Variants in CATSPERE observed in about 807,000 individuals in gnomAD.
The protein encoded by CATSPERE is cation channel sperm-associated auxiliary subunit epsilon.
CATSPERE carries 93 observed loss-of-function variants against 114.1 expected under a neutral mutation model. The ratio of observed to expected loss-of-function variants is 0.81; its 90% CI spans 0.69 to 0.97. The LOEUF (loss-of-function observed/expected upper bound fraction) is 0.97. Among genes scored for constraint, CATSPERE ranks in the 50% least tolerant of loss-of-function variants. The probability of loss-of-function intolerance (pLI) is 0.00; values close to 1 mark genes in which losing one functional copy is unlikely to be tolerated. For missense variants in CATSPERE, 1,058 were observed against 1,131.6 expected, an observed-to-expected ratio of 0.93 and a Z score of 0.93; for synonymous variants, 341 against 384.1, an observed-to-expected ratio of 0.89 and a Z score of 1.31.
At chr1:244,543,719 T>G (rs1659263608) in intron 8 of CATSPERE, among the ~76,000 whole-genome samples, 1 of 150,730 alleles carries the variant, frequency 6.6e-6, no homozygotes, top group African/African-American at 2.4e-5. Context: ...ATTCAGCCCT[T>G]TTTTCCAGCC....
intron 6 of CATSPERE, 106 bp downstream of exon 6, chr1:244,490,577 C>A (rs1231524719): frequency 4.0e-6 from 3 of 749,160 alleles, no homozygotes; most frequent in Non-Finnish European, 6.7e-6. Context: ...ATGAATTTTG[C>A]AATGATATTT....
At chr1:244,532,399 G>C (rs1030147880) in intron 8 of CATSPERE, among the ~76,000 whole-genome samples, 2 of 151,822 alleles carry the variant, frequency 1.3e-5, no homozygotes, top group Non-Finnish European at 2.9e-5. Flanking sequence ...TGTATCATTA[G>C]GTTGTTTATT....
chr1:244,531,235 C>CAA (rs60936159), intron 8 of CATSPERE, among the ~76,000 whole-genome samples: 247 of 58,916 alleles, frequency 4.2e-3, no homozygotes, highest in Middle Eastern at 8.1e-3. Context: ...GACTCAGTCT[C>CAA]AAAAAAAAAA....
At chr1:244,545,653 C>T (rs1014429459) in intron 8 of CATSPERE, among the ~76,000 whole-genome samples, 14 of 152,278 alleles carry the variant, frequency 9.2e-5, no homozygotes, top group Admixed American at 5.2e-4. Flanking sequence ...TAGCAGAGAC[C>T]GAATGCTTGA....
At chr1:244,481,371 A>T (rs1670240187) in intron 5 of CATSPERE, among the ~76,000 whole-genome samples, 1 of 152,164 alleles carries the variant, frequency 6.6e-6, no homozygotes, top group Non-Finnish European at 1.5e-5. Flanking sequence ...GAATCACTTG[A>T]ACCTGGGAGG....
At chr1:244,482,002 A>C (rs749650443) in intron 5 of CATSPERE, among the ~76,000 whole-genome samples, 7 of 152,232 alleles carry the variant, frequency 4.6e-5, no homozygotes, top group Non-Finnish European at 1.0e-4. Context: ...GTGGGCCTCC[A>C]GGCTACCCTG....
chr1:244,451,665 C>T, upstream of CATSPERE: 2 of 1,611,020 alleles, frequency 1.2e-6, no homozygotes, highest in East Asian at 2.2e-5. This position sits in a 1 kb window ranked among gnomAD's most constrained non-coding sequence, Gnocchi z 6.6. Context: ...CGGCGTCCTG[C>T]GCCAGCAGGT....
chr1:244,525,563 G>A (rs1206243522), intron 8 of CATSPERE, among the ~76,000 whole-genome samples: 1 of 152,062 alleles, frequency 6.6e-6, no homozygotes, highest in Non-Finnish European at 1.5e-5. Flanking sequence ...ACACTAATGT[G>A]GATTGCTGAT....
intron 9 of CATSPERE, among the ~76,000 whole-genome samples, chr1:244,554,304 T>C (rs973798902): frequency 6.6e-6 from 1 of 152,186 alleles, no homozygotes; most frequent in Non-Finnish European, 1.5e-5. Flanking sequence ...ACCAACAGGG[T>C]ATATGAGCTT....
chr1:244,486,683 G>T (rs1221057379), intron 5 of CATSPERE, among the ~76,000 whole-genome samples: 2 of 122,830 alleles, frequency 1.6e-5, no homozygotes, highest in Non-Finnish European at 3.5e-5. Flanking sequence ...CGTGGGCCAG[G>T]TATAGACCCT....
chr1:244,640,393 A>T lies in CATSPERE; in HGVS notation c.*312A>T. On this transcript the variant is annotated 3_prime_UTR_variant, in exon 22 of 22. Transcript: ENST00000366534. Reference sequence around the variant, plus strand: ...TAAGAATGAAAGTGAATTTTTGAAAATATATCTATGTGTCAAGTATCATTT... The same window carrying T: ...TAAGAATGAAAGTGAATTTTTGAAATTATATCTATGTGTCAAGTATCATTT... The T allele has an allele frequency of 5.5e-6, 1 of 182,374 alleles. No individual in the cohort carries two copies. The highest frequency in any genetic ancestry group is 1.1e-5 in the Non-Finnish European group (1 of 88,080). 11.3% of individuals were successfully genotyped at this position (182,374 alleles called of 1,614,324 possible).
At chr1:244,569,341 C>T (rs1021839772) in intron 10 of CATSPERE, among the ~76,000 whole-genome samples, 3 of 152,236 alleles carry the variant, frequency 2.0e-5, no homozygotes, top group Non-Finnish European at 4.4e-5. Context: ...GCGTTGATCT[C>T]GCTGGGAACT....
chr1:244,617,398 C>T, intron 19 of CATSPERE, 131 bp from the exon 20 acceptor site: 2 of 638,932 alleles, frequency 3.1e-6, no homozygotes, highest in East Asian at 6.2e-5. Context: ...CTATAAAGAG[C>T]ACTGCAGGGG....
Position 244,461,471 on chromosome 1 carries a change from C to A in CATSPERE, c.42C>A (p.Ser14Arg). 2.2e-6 allele frequency: 3 copies of A among 1,351,392 alleles called. No homozygotes were observed. The highest frequency in any genetic ancestry group is 2.9e-6 in the Non-Finnish European group (3 of 1,045,288). 83.7% of individuals were successfully genotyped at this position (1,351,392 alleles called of 1,614,324 possible). A position where few individuals can be genotyped will look rare whatever the true frequency, so the allele number is the denominator to read the frequency against. Reference protein sequence around the residue: ...REVAVLLLWLSCYGSALWRYS... With the variant: ...REVAVLLLWLRCYGSALWRYS... ...TGGCCGTGCTGCTGCTGTGGCTGAG[C>A]TGCTATGGCTCCGCCCTTTGGAGGT... is the stretch of plus-strand genomic sequence containing the variant. The change falls in exon 1 of 22, where the codon AGC (serine) becomes AGA (arginine). Residue 14 changes from serine to arginine, a missense_variant. Around this residue, in one of 2 missense-constraint regions of CATSPERE, gnomAD observed 271 missense variants for 225.9 expected, o/e 1.20. Transcript: ENST00000366534.
chr1:244,587,310 G>A (rs955729067), intron 13 of CATSPERE, among the ~76,000 whole-genome samples: 4 of 152,232 alleles, frequency 2.6e-5, no homozygotes, highest in Non-Finnish European at 5.9e-5. Context: ...AACGGTAGAG[G>A]TACATTTGGG....
chr1:244,587,981 G>C (rs765288463), intron 13 of CATSPERE, among the ~76,000 whole-genome samples: 1 of 152,080 alleles, frequency 6.6e-6, no homozygotes, highest in Non-Finnish European at 1.5e-5. Flanking sequence ...GATCACATGA[G>C]GTCAGGAATT....
chr1:244,482,310 A>G (rs771656869), intron 5 of CATSPERE, among the ~76,000 whole-genome samples: 7 of 151,904 alleles, frequency 4.6e-5, no homozygotes, highest in Non-Finnish European at 1.0e-4. Context: ...TACAAAAAAT[A>G]TAAAAAATTT....
At position 244,490,440 on chromosome 1, in the gene CATSPERE, C is replaced by A; in HGVS notation, c.327-7C>A. The A allele has an allele frequency of 6.5e-7, 1 of 1,534,516 alleles. No homozygotes were observed. Among genetic ancestry groups the A allele is most frequent in the Non-Finnish European group, 9.0e-7 (1 of 1,115,476 alleles). ...TACTAAAATATGTTTCCTCTTTTTCCAAGCAGACATTTCTTTAACAACTTT... is the reference window on the plus strand; with the variant it reads ...TACTAAAATATGTTTCCTCTTTTTCAAAGCAGACATTTCTTTAACAACTTT... On this transcript the variant is annotated splice_region_variant and splice_polypyrimidine_tract_variant and intron_variant, in intron 5 of 21. Coordinates refer to ENST00000366534, the MANE Select transcript of CATSPERE (RefSeq NM_001130957.2).
At chr1:244,531,521 A>AAATT (rs150562682) in intron 8 of CATSPERE, among the ~76,000 whole-genome samples, 13 of 149,680 alleles carry the variant, frequency 8.7e-5, no homozygotes, top group African/African-American at 2.2e-4. Context: ...AGTTTTTAAA[A>AAATT]TTTTTTTTTT....
Sources: gnomAD v4.1 joint callset for allele counts (sites outside exome capture counted in the v4.1 genomes callset) on GRCh38, gnomAD v4.1.1 for gene constraint, gnomAD v4.1.1 regional missense constraint, Gnocchi (gnomAD v3.1) non-coding constraint, MANE v1.5 for transcripts, NCBI Gene and HGNC (gene_info 2026-07-23, HGNC 2026-07-21) for gene names.